TRIM33: variants seen among roughly 807,000 people sequenced by gnomAD.
TRIM33 encodes E3 ubiquitin-protein ligase TRIM33.
A neutral mutation model predicts 125.4 loss-of-function variants in TRIM33; 20 were observed. That is an observed-to-expected ratio of 0.16 (90% CI 0.11 to 0.23). The LOEUF is 0.23. TRIM33 is among the 10% of genes least tolerant of loss of function. The pLI is 1.00. For synonymous variants in TRIM33, 564 were observed against 513.9 expected, an observed-to-expected ratio of 1.10 and a Z score of -1.32; for missense variants, 920 against 1,411.4, an observed-to-expected ratio of 0.65 and a Z score of 5.58.
chr1:114,458,487 C>G (rs1649754411), intron 4 of TRIM33, among the ~76,000 whole-genome samples: 1 of 152,168 alleles, frequency 6.6e-6, no homozygotes, highest in South Asian at 2.1e-4. Flanking sequence ...CAGGAAGTGA[C>G]TCAGCATAAC....
chr1:114,509,741 T>C (rs894003082), intron 1 of TRIM33, among the ~76,000 whole-genome samples: 3 of 152,188 alleles, frequency 2.0e-5, no homozygotes, highest in African/African-American at 7.2e-5. Flanking sequence ...GCCACAACCA[T>C]TGTACTGAGG....
At chr1:114,471,827 T>C (rs1220959722) in intron 1 of TRIM33, among the ~76,000 whole-genome samples, 4 of 152,126 alleles carry the variant, frequency 2.6e-5, no homozygotes, top group Non-Finnish European at 4.4e-5. Flanking sequence ...AAAACAAAAA[T>C]GGAAAACATG....
In TRIM33 at chr1:114,396,398, T is replaced by C. The variant is rs915129531; in HGVS notation, c.*1250A>G. The C allele has an allele frequency of 1.5e-5, 3 of 200,534 alleles. No homozygotes were observed. Among genetic ancestry groups the C allele is most frequent in the Non-Finnish European group, 3.1e-5 (3 of 97,026 alleles). 12.4% of individuals were successfully genotyped at this position (200,534 alleles called of 1,614,324 possible). A position where few individuals can be genotyped will look rare whatever the true frequency, so the allele number is the denominator to read the frequency against. On this transcript the variant is annotated 3_prime_UTR_variant, in exon 20 of 20. Coordinates refer to ENST00000358465, the MANE Select transcript of TRIM33 (RefSeq NM_015906.4). ...CCTTTAAGCCCCCAGTCCATGCAAA[T>C]GTCCCACTTGGTGGACAGATGAGTA...
At chr1:114,480,450 CGAG>C (rs1228817831) in intron 1 of TRIM33, among the ~76,000 whole-genome samples, 2 of 132,710 alleles carry the variant, frequency 1.5e-5, no homozygotes, top group Admixed American at 8.7e-5. Flanking sequence ...TCCCCCTCTG[CGAG>C]AAACACCCAA....
At chr1:114,471,539 C>G (rs764535490) in intron 1 of TRIM33, among the ~76,000 whole-genome samples, 4 of 150,470 alleles carry the variant, frequency 2.7e-5, no homozygotes, top group Non-Finnish European at 5.9e-5. Context: ...TCCTGAGAAG[C>G]AAATTAGTAG....
In TRIM33 at chr1:114,427,784, A is replaced by G; in HGVS notation, c.1266T>C (p.Ser422=). ...TGTATAGTAGTGCTGTGCTGCTGCC[A>G]CTTGCAATTGCCCAATTTGTGAAGT... ...VMNFTNWAIA[S]GSSTALLYSK... Residue 422 remains serine (S), a synonymous_variant, in exon 7 of 20, where the codon AGT becomes AGC. Coordinates refer to ENST00000358465, the MANE Select transcript of TRIM33 (RefSeq NM_015906.4). 1 of 1,614,058 alleles carries G rather than the reference A, an allele frequency of 6.2e-7. No individual in the cohort carries two copies. Among genetic ancestry groups the G allele is most frequent in the Non-Finnish European group, 8.5e-7 (1 of 1,179,972 alleles).
intron 11 of TRIM33, among the ~76,000 whole-genome samples, chr1:114,414,025 A>C (rs1207231527): frequency 8.5e-6 from 1 of 117,002 alleles, no homozygotes; most frequent in Non-Finnish European, 1.8e-5. Context: ...AATAAATCAC[A>C]GGCACACACA....
intron 4 of TRIM33, among the ~76,000 whole-genome samples, chr1:114,452,187 A>G (rs1291335998): frequency 6.6e-6 from 1 of 152,156 alleles, no homozygotes; most frequent in Non-Finnish European, 1.5e-5. Context: ...AAAACATCAT[A>G]AACAGGCTGG....
intron 4 of TRIM33, among the ~76,000 whole-genome samples, chr1:114,450,743 T>C (rs1649260937): frequency 6.6e-6 from 1 of 152,174 alleles, no homozygotes; most frequent in Admixed American, 6.5e-5. Flanking sequence ...GAAACTTCAC[T>C]GATCTTAACC....
chr1:114,459,270 G>A (rs911756574), intron 4 of TRIM33, among the ~76,000 whole-genome samples: 12 of 152,134 alleles, frequency 7.9e-5, no homozygotes, highest in African/African-American at 2.9e-4. Flanking sequence ...AGGCTGAGAT[G>A]ATCACAAACG....
intron 1 of TRIM33, among the ~76,000 whole-genome samples, chr1:114,481,639 ATGTGTGTG>A (rs535478935): frequency 3.5e-5 from 5 of 142,336 alleles, no homozygotes; most frequent in African/African-American, 7.9e-5. Flanking sequence ...CTATATATAT[ATGTGTGTG>A]TGTGTGTGTG....
chr1:114,416,645 G>A (rs1490193369), intron 11 of TRIM33, among the ~76,000 whole-genome samples: 1 of 152,124 alleles, frequency 6.6e-6, no homozygotes. Flanking sequence ...AGTCCTTGAG[G>A]AAGTTTTTCT....
rs576432148 is a variant in TRIM33, at chr1:114,501,627, AAGGGGCCATCTT to A, written c.526+8912_526+8923del. On this transcript the variant is annotated intron_variant, in intron 1 of 19. Transcript: ENST00000358465. ...GTGTGAATAACAGGAGAAAAGGAAC[AAGGGGCCATCTT>A]AGAGGCTGGCTACCACACCAAGCCA... is the stretch of plus-strand genomic sequence containing the variant. Among the ~76,000 whole-genome samples, 449 of 152,342 alleles carry A rather than the reference AAGGGGCCATCTT, an allele frequency of 2.9e-3. 4 individuals carry two copies. Among genetic ancestry groups the A allele is most frequent in the African/African-American group, 0.01 (424 of 41,582 alleles).
In TRIM33 at chr1:114,427,750, G is replaced by A; in HGVS notation, c.1300C>T (p.Leu434=). The change falls in exon 7 of 20, where the codon CTG becomes TTG. Residue 434 remains leucine, a splice_region_variant and synonymous_variant. Transcript: ENST00000358465. ...AATAAAAACAGTATGTGTCTCACCAGTCGCTTGCTGTATAGTAGTGCTGTG... is the reference window on the plus strand; with the variant it reads ...AATAAAAACAGTATGTGTCTCACCAATCGCTTGCTGTATAGTAGTGCTGTG... ...SSTALLYSKR[L]ITFQLRHILK... is the part of the protein sequence containing the mutation. 6.2e-7 allele frequency: 1 copy of A among 1,613,182 alleles called. No individual in the cohort carries two copies. The highest frequency in any genetic ancestry group is 1.1e-5 in the South Asian group (1 of 90,904).
intron 4 of TRIM33, 84 bp downstream of exon 4, chr1:114,463,020 T>A (rs766855200): frequency 1.8e-5 from 19 of 1,050,304 alleles, no homozygotes; most frequent in Non-Finnish European, 2.2e-5. Flanking sequence ...CACAAACATA[T>A]AATCAATATT....
At position 114,397,878 on chromosome 1, in the gene TRIM33, G is replaced by A. The variant is rs1182535869; in HGVS notation, c.3172-18C>T. ...GAATCAGCCTGCAAGCAAAAGATAG[G>A]AATATTCACCTATTGGTAATGCATA... On this transcript the variant is annotated intron_variant, in intron 19 of 19. Coordinates refer to ENST00000358465, the MANE Select transcript of TRIM33 (RefSeq NM_015906.4). 1.2e-6 allele frequency: 2 copies of A among 1,613,650 alleles called. No homozygotes were observed. Among genetic ancestry groups the A allele is most frequent in the Non-Finnish European group, 8.5e-7 (1 of 1,179,906 alleles).
chr1:114,426,480 ATTTT>A (rs971548249), intron 8 of TRIM33, among the ~76,000 whole-genome samples: 1 of 150,552 alleles, frequency 6.6e-6, no homozygotes, highest in Non-Finnish European at 1.5e-5. Flanking sequence ...TTTGAATATA[ATTTT>A]TTTTTATTAT....
At chr1:114,430,535 C>T (rs984887603) in intron 6 of TRIM33, among the ~76,000 whole-genome samples, 5 of 152,144 alleles carry the variant, frequency 3.3e-5, no homozygotes, top group African/African-American at 4.8e-5. Context: ...AGTCACCATA[C>T]CCAGTCTTAG....
At chr1:114,506,534 T>TA (rs1337306789) in intron 1 of TRIM33, among the ~76,000 whole-genome samples, 1 of 152,086 alleles carries the variant, frequency 6.6e-6, no homozygotes, top group Admixed American at 6.6e-5. Flanking sequence ...GATTCCTATT[T>TA]AAAAAAAGAT....
Sources: allele counts gnomAD v4.1 joint callset (sites outside exome capture counted in the v4.1 genomes callset), GRCh38; gene constraint gnomAD v4.1.1; transcripts MANE v1.5; gene names NCBI Gene and HGNC (gene_info 2026-07-23, HGNC 2026-07-21).